BIRC6: variants seen among roughly 807,000 people sequenced by gnomAD.
BIRC6 encodes dual E2 ubiquitin-conjugating enzyme/E3 ubiquitin-protein ligase BIRC6.
Under a neutral mutation model 503.3 loss-of-function variants are expected in BIRC6, and 98 were observed. The ratio of observed to expected loss-of-function variants is 0.19; its 90% CI spans 0.17 to 0.23. The LOEUF is 0.23. Ranked by LOEUF, BIRC6 falls within the 10% of genes least tolerant of loss-of-function variation. The probability of loss-of-function intolerance (pLI) is 1.00; values close to 1 mark genes in which losing one functional copy is unlikely to be tolerated. For missense variants in BIRC6, 5,360 were observed against 5,806.0 expected, an observed-to-expected ratio of 0.92 and a Z score of 2.50; for synonymous variants, 2,240 against 2,078.7, an observed-to-expected ratio of 1.08 and a Z score of -2.11.
intron 50 of BIRC6, chr2:32,505,462 T>G: frequency 2.6e-6 from 1 of 380,526 alleles, no homozygotes; most frequent in Non-Finnish European, 4.9e-6. Context: ...TTCTCTTTTC[T>G]CTCAAATTTA....
rs751003989 is a variant in BIRC6, at chr2:32,488,683, T to C, written c.8064T>C (p.Ala2688=). Residue 2688 remains alanine, a synonymous_variant, in exon 42 of 74, where the codon GCT becomes GCC. Coordinates refer to ENST00000421745, the MANE Select transcript of BIRC6 (RefSeq NM_016252.4). ...ENGADIFLYN[A]NRIPVISLNQ... is the part of the protein sequence containing the mutation. ...GAGCAGACATATTTTTATATAATGC[T>C]AATAGGATACCTGTTATTTCATTAA... The C allele has an allele frequency of 1.4e-6, 2 of 1,455,636 alleles. No homozygotes were observed. Among genetic ancestry groups the C allele is most frequent in the Non-Finnish European group, 1.9e-6 (2 of 1,069,262 alleles). 90.2% of individuals were successfully genotyped at this position (1,455,636 alleles called of 1,614,324 possible).
At chr2:32,451,829 A>G (rs911329711) in intron 22 of BIRC6, among the ~76,000 whole-genome samples, 2 of 152,214 alleles carry the variant, frequency 1.3e-5, no homozygotes, top group South Asian at 4.1e-4. Flanking sequence ...GCTTCCCAGT[A>G]TGTAGACTTT....
At chr2:32,464,999 A>T in intron 25 of BIRC6, 66 bp from the exon 26 acceptor site, 1 of 1,318,694 alleles carries the variant, frequency 7.6e-7, no homozygotes, top group Non-Finnish European at 1.0e-6. Flanking sequence ...TATTATGGTT[A>T]GTAGTTTTTA....
Position 32,479,170 on chromosome 2 carries a change from T to A in BIRC6, c.7253-292T>A, listed in dbSNP as rs554957645. Among the ~76,000 whole-genome samples the A allele has an allele frequency of 5.6e-4, 85 of 152,324 alleles. 2 individuals carry two copies. The highest frequency in any genetic ancestry group is 6.9e-4 in the Non-Finnish European group (47 of 68,030). ...ATATATAACATAAGGATAATAAGGA[T>A]AATCTTTGTATAAGGTTGTTTTTAT... On this transcript the variant is annotated intron_variant, in intron 36 of 73. Coordinates refer to ENST00000421745, the MANE Select transcript of BIRC6 (RefSeq NM_016252.4).
chr2:32,469,361 A>G, intron 29 of BIRC6, 34 bp from the exon 30 acceptor site: 1 of 1,516,888 alleles, frequency 6.6e-7, no homozygotes, highest in Non-Finnish European at 9.0e-7. Context: ...ATACATTTAA[A>G]TAGGAAAGTT....
chr2:32,441,418 A>G lies in BIRC6; in HGVS notation c.3900A>G (p.Ser1300=). Residue 1300 remains serine (S), a synonymous_variant, in exon 17 of 74, where the codon TCA becomes TCG. Coordinates refer to ENST00000421745, the MANE Select transcript of BIRC6 (RefSeq NM_016252.4). ...LRGCDLLQEV[S]VTIRRFKKTS... is the part of the protein sequence containing the mutation. Reference sequence around the variant, plus strand: ...GCTGTGATTTACTTCAAGAGGTCTCAGTCACCATTCGAAGATTTAAGAAAA... The same window carrying G: ...GCTGTGATTTACTTCAAGAGGTCTCGGTCACCATTCGAAGATTTAAGAAAA... 6.2e-7 allele frequency: 1 copy of G among 1,610,872 alleles called. No homozygotes were observed. The highest frequency in any genetic ancestry group is 8.5e-7 in the Non-Finnish European group (1 of 1,177,694).
intron 55 of BIRC6, among the ~76,000 whole-genome samples, chr2:32,517,552 G>A (rs1215707324): frequency 6.6e-6 from 1 of 152,104 alleles, no homozygotes; most frequent in East Asian, 1.9e-4. Flanking sequence ...TTTCTCTCTT[G>A]GTTTCTTAGT....
At chr2:32,589,874 T>C (rs541753755) in intron 66 of BIRC6, among the ~76,000 whole-genome samples, 1 of 152,352 alleles carries the variant, frequency 6.6e-6, no homozygotes, top group South Asian at 2.1e-4. Flanking sequence ...ATCAAGGTTT[T>C]ATTTTTAAAG....
intron 65 of BIRC6, among the ~76,000 whole-genome samples, chr2:32,561,739 A>T (rs1401954730): frequency 7.8e-6 from 1 of 128,396 alleles, no homozygotes; most frequent in East Asian, 2.2e-4. Flanking sequence ...ATATATATAT[A>T]TTTATTTATT....
At chr2:32,612,728 T>C (rs1420440899) in intron 73 of BIRC6, among the ~76,000 whole-genome samples, 2 of 152,202 alleles carry the variant, frequency 1.3e-5, no homozygotes, top group Non-Finnish European at 2.9e-5. Flanking sequence ...GAGTTGATAA[T>C]GGTTGAAGCT....
chr2:32,548,052 T>A, intron 64 of BIRC6, 38 bp downstream of exon 64: 1 of 1,393,388 alleles, frequency 7.2e-7, no homozygotes, highest in East Asian at 2.5e-5. Context: ...TGATAATGGC[T>A]TTTTTTTTGT....
intron 3 of BIRC6, among the ~76,000 whole-genome samples, chr2:32,383,453 T>C (rs1462330772): frequency 3.9e-5 from 6 of 152,230 alleles, no homozygotes; most frequent in Non-Finnish European, 1.5e-5. Flanking sequence ...TCATTCAGCA[T>C]CTCAACTGGT....
intron 35 of BIRC6, 73 bp from the exon 36 acceptor site, chr2:32,478,562 G>T: frequency 7.4e-7 from 1 of 1,348,572 alleles, no homozygotes; most frequent in South Asian, 1.4e-5. Flanking sequence ...TAAAGTATTG[G>T]TAGACTTCTG....
intron 6 of BIRC6, among the ~76,000 whole-genome samples, chr2:32,397,036 A>T (rs1219318814): frequency 6.6e-6 from 1 of 152,064 alleles, no homozygotes; most frequent in Non-Finnish European, 1.5e-5. Context: ...CCTAAAATTG[A>T]ACAATTTTAA....
At position 32,491,432 on chromosome 2, in the gene BIRC6, C is replaced by T; in HGVS notation, c.8214C>T (p.Ser2738=). 1 of 1,608,678 alleles carries T rather than the reference C, an allele frequency of 6.2e-7. No individual in the cohort carries two copies. Among genetic ancestry groups the T allele is most frequent in the Non-Finnish European group, 8.5e-7 (1 of 1,178,064 alleles). ...TTAAAAAATGTTTTATAGCTGGTTCCAGCAGTGCCATTGGAACTCAGGAGA... is the reference window on the plus strand; with the variant it reads ...TTAAAAAATGTTTTATAGCTGGTTCTAGCAGTGCCATTGGAACTCAGGAGA... ...LMTNMQLNSG[S]SSAIGTQEST... Residue 2738 remains serine, a synonymous_variant, in exon 44 of 74, where the codon TCC becomes TCT. Coordinates refer to ENST00000421745, the MANE Select transcript of BIRC6 (RefSeq NM_016252.4).
At chr2:32,558,375 C>CT (rs2150591220) in intron 65 of BIRC6, among the ~76,000 whole-genome samples, 1 of 152,226 alleles carries the variant, frequency 6.6e-6, no homozygotes, top group African/African-American at 2.4e-5. Context: ...ACATCAACTC[C>CT]TTTTTAAAGC....
intron 23 of BIRC6, among the ~76,000 whole-genome samples, chr2:32,460,488 G>T (rs1387515649): frequency 6.6e-6 from 1 of 151,158 alleles, no homozygotes; most frequent in Non-Finnish European, 1.5e-5. Flanking sequence ...TGTTGGTCAG[G>T]CTGGTCTCGA....
chr2:32,571,378 CTTTTTTTTT>C (rs61599835), intron 65 of BIRC6, among the ~76,000 whole-genome samples: 3 of 20,310 alleles, frequency 1.5e-4, no homozygotes, highest in South Asian at 6.5e-3. Flanking sequence ...TGGTCCTGGG[CTTTTTTTTT>C]TTTTTTTTTT....
Position 32,464,589 on chromosome 2 carries a change from C to G in BIRC6, c.5022C>G (p.Asn1674Lys), listed in dbSNP as rs767579040. ...CATCAGCAGTAGGTCCTGTTCACAACTCTGTGCCTTCCAACCCAGTGGCTG... is the reference window on the plus strand; with the variant it reads ...CATCAGCAGTAGGTCCTGTTCACAAGTCTGTGCCTTCCAACCCAGTGGCTG... The part of the protein sequence containing the change: ...AAASAVGPVH[N>K]SVPSNPVAAP... Residue 1674 changes from asparagine to lysine, a missense_variant, in exon 25 of 74, where the codon AAC (asparagine) becomes AAG (lysine). Asn to Lys is a moderately conservative substitution (Grantham distance 94, BLOSUM62 0). Transcript: ENST00000421745. 6.2e-7 allele frequency: 1 copy of G among 1,612,584 alleles called. No individual in the cohort carries two copies. The highest frequency in any genetic ancestry group is 8.5e-7 in the Non-Finnish European group (1 of 1,179,102).
Sources: gnomAD v4.1 joint callset for allele counts (sites outside exome capture counted in the v4.1 genomes callset) on GRCh38, gnomAD v4.1.1 for gene constraint, MANE v1.5 for transcripts, NCBI Gene and HGNC (gene_info 2026-07-23, HGNC 2026-07-21) for gene names.